RTF1: variants seen among roughly 807,000 people sequenced by gnomAD.
RTF1 encodes the protein RTF1 homolog, Paf1/RNA polymerase II complex component, also known as RNA polymerase-associated protein RTF1 homolog.
A neutral mutation model predicts 95.7 loss-of-function variants in RTF1; 10 were observed. That is an observed-to-expected ratio of 0.10 (90% CI 0.06 to 0.18). The LOEUF (loss-of-function observed/expected upper bound fraction) is 0.18. Ranked by LOEUF, RTF1 falls within the 10% of genes least tolerant of loss-of-function variation. The pLI is 1.00. For missense variants in RTF1, 458 were observed against 875.6 expected (o/e 0.52, Z 6.02); for synonymous variants, 305 against 311.8 (o/e 0.98, Z 0.23).
intron 1 of RTF1, among the ~76,000 whole-genome samples, chr15:41,421,709 CT>C (rs752702270): frequency 2.5e-3 from 318 of 127,394 alleles, no homozygotes; most frequent in Middle Eastern, 0.016. Flanking sequence ...ACTACTGGTT[CT>C]TTTTTTTTTT....
intron 1 of RTF1, among the ~76,000 whole-genome samples, chr15:41,424,876 G>A (rs1301263778): frequency 6.6e-6 from 1 of 152,028 alleles, no homozygotes; most frequent in Non-Finnish European, 1.5e-5. Context: ...AAGTGCGGTG[G>A]CACACACCTG....
intron 14 of RTF1, among the ~76,000 whole-genome samples, chr15:41,477,872 G>A (rs1224750947): frequency 1.3e-5 from 2 of 152,164 alleles, no homozygotes; most frequent in African/African-American, 4.8e-5. Flanking sequence ...TTGGGAGGCC[G>A]AGGCGGGTGG....
intron 1 of RTF1, among the ~76,000 whole-genome samples, chr15:41,436,277 C>T (rs1488650616): frequency 6.7e-6 from 1 of 148,374 alleles, no homozygotes; most frequent in Non-Finnish European, 1.5e-5. Flanking sequence ...CAGTGAAATC[C>T]CGTCTCTACT....
chr15:41,443,813 A>C (rs759029745), intron 2 of RTF1, among the ~76,000 whole-genome samples: 2 of 152,072 alleles, frequency 1.3e-5, no homozygotes, highest in Non-Finnish European at 2.9e-5. Context: ...CACGCCTGTA[A>C]TCTCAGCACT....
intron 1 of RTF1, among the ~76,000 whole-genome samples, chr15:41,417,577 G>C (rs1395998648): frequency 6.6e-6 from 1 of 152,200 alleles, no homozygotes. Flanking sequence ...TCGGGCTCGG[G>C]GGTAGCGAAA....
At chr15:41,423,436 G>A (rs147897508) in intron 1 of RTF1, among the ~76,000 whole-genome samples, 183 of 140,232 alleles carry the variant, frequency 1.3e-3, no homozygotes, top group African/African-American at 4.5e-3. Flanking sequence ...GCAATGGCAC[G>A]CTGGGCTCAC....
Position 41,475,831 on chromosome 15 carries a change from G to A in RTF1, c.1482+12G>A, listed in dbSNP as rs1247546648. 1 of 1,398,782 alleles carries A rather than the reference G, an allele frequency of 7.1e-7. No individual in the cohort carries two copies. The highest frequency in any genetic ancestry group is 1.2e-5 in the South Asian group (1 of 82,336). The allele number at this position is 1,398,782 out of a possible 1,614,324, so 86.6% of individuals were successfully genotyped here. A position where few individuals can be genotyped will look rare whatever the true frequency, so the allele number is the denominator to read the frequency against. On this transcript the variant is annotated intron_variant, in intron 11 of 17. Coordinates refer to ENST00000389629, the MANE Select transcript of RTF1 (RefSeq NM_015138.5). The stretch of plus-strand genomic sequence containing the variant: ...AGGACATTGAAGAGGTAAGAAAACT[G>A]GTGCCCCAGAACCCGGAGGTTCATC...
chr15:41,424,941 G>T (rs1295248933), intron 1 of RTF1, among the ~76,000 whole-genome samples: 1 of 145,684 alleles, frequency 6.9e-6, no homozygotes, highest in Admixed American at 6.8e-5. Context: ...CCTAGGAGGC[G>T]GAGGTTGCAG....
intron 6 of RTF1, among the ~76,000 whole-genome samples, chr15:41,469,805 G>A (rs777931990): frequency 1.6e-4 from 25 of 152,144 alleles, no homozygotes; most frequent in Non-Finnish European, 2.4e-4. Flanking sequence ...GATTACAGGC[G>A]TAAGCCACCG....
chr15:41,464,687 C>T, intron 4 of RTF1, 84 bp from the exon 5 acceptor site: 1 of 1,198,984 alleles, frequency 8.3e-7, no homozygotes, highest in Non-Finnish European at 1.2e-6. Context: ...AGCTCCTTTC[C>T]CTTAGTTCCT....
chr15:41,455,898 A>G (rs2050812279), intron 3 of RTF1, among the ~76,000 whole-genome samples: 1 of 151,828 alleles, frequency 6.6e-6, no homozygotes, highest in Non-Finnish European at 1.5e-5. Flanking sequence ...AAAATCTCAG[A>G]AATCACCACT....
At chr15:41,436,915 C>T (rs940315319) in intron 1 of RTF1, among the ~76,000 whole-genome samples, 3 of 151,458 alleles carry the variant, frequency 2.0e-5, no homozygotes, top group South Asian at 2.1e-4. Context: ...GGTGAAACCC[C>T]GTCTCTACTA....
chr15:41,450,412 C>A (rs1032162782), intron 2 of RTF1, among the ~76,000 whole-genome samples: 1 of 150,962 alleles, frequency 6.6e-6, no homozygotes, highest in African/African-American at 2.4e-5. Context: ...ATGGAGAAAC[C>A]CCGTCTCTGC....
chr15:41,480,155 C>T, intron 16 of RTF1, 59 bp from the exon 17 acceptor site: 3 of 1,090,982 alleles, frequency 2.7e-6, no homozygotes, highest in Non-Finnish European at 4.2e-6. Context: ...GTGGCTGCTG[C>T]TGCTTGAAAT....
chr15:41,444,657 T>C (rs779060078), intron 2 of RTF1, among the ~76,000 whole-genome samples: 3 of 152,208 alleles, frequency 2.0e-5, no homozygotes, highest in Non-Finnish European at 4.4e-5. Context: ...ATAACAGTTC[T>C]TGTACTGTGA....
intron 1 of RTF1, among the ~76,000 whole-genome samples, chr15:41,418,532 T>C (rs903479234): frequency 3.9e-5 from 6 of 152,136 alleles, no homozygotes; most frequent in Non-Finnish European, 2.9e-5. Flanking sequence ...TTGAAAGTAT[T>C]AGGGGCTGGG....
chr15:41,464,837 A>G lies in RTF1; in HGVS notation c.729A>G (p.Gln243=). Residue 243 remains glutamine (Q), a synonymous_variant, in exon 5 of 18, where the codon CAA becomes CAG. Transcript: ENST00000389629. ...AAAAGAAAGAAAAGAAGAAAAAGCA[A>G]GAAGAGGAGCAAGAAAAGAAAAAAC... ...KKEKKEKKKK[Q]EEEQEKKKLT... is the part of the protein sequence containing the mutation. The G allele has an allele frequency of 1.9e-6, 3 of 1,550,914 alleles. No homozygotes were observed. The highest frequency in any genetic ancestry group is 2.6e-6 in the Non-Finnish European group (3 of 1,149,810).
In RTF1 at chr15:41,417,141, G is replaced by A; in HGVS notation, c.26G>A (p.Arg9Gln). ...ATGCGCGGTCGCCTTTGTGTGGGTC[G>A]AGCAGCGGCGGCGGCGGCGGCAGTG... MRGRLCVG[R>Q]AAAAAAAVAV... is the part of the protein sequence containing the mutation. The change falls in exon 1 of 18, where the codon CGA (arginine) becomes CAA (glutamine). Residue 9 changes from arginine to glutamine, a missense_variant. Physicochemically the swap from Arg to Gln is conservative, Grantham distance 43 (BLOSUM62 1). Coordinates refer to ENST00000389629, the MANE Select transcript of RTF1 (RefSeq NM_015138.5). The A allele has an allele frequency of 8.0e-7, 1 of 1,257,098 alleles. No individual in the cohort carries two copies. 77.9% of individuals were successfully genotyped at this position (1,257,098 alleles called of 1,614,324 possible). A position where few individuals can be genotyped will look rare whatever the true frequency, so the allele number is the denominator to read the frequency against.
chr15:41,480,905 G>A lies in RTF1; in HGVS notation c.*218G>A, dbSNP rs992177827. The A allele has an allele frequency of 8.8e-6, 5 of 567,522 alleles. No homozygotes were observed. Among genetic ancestry groups the A allele is most frequent in the Admixed American group, 3.0e-5 (1 of 32,982 alleles). The allele number at this position is 567,522 out of a possible 1,614,324, so 35.2% of individuals were successfully genotyped here. On this transcript the variant is annotated 3_prime_UTR_variant, in exon 18 of 18. Coordinates refer to ENST00000389629, the MANE Select transcript of RTF1 (RefSeq NM_015138.5). ...CTCCCCTCCCCCAGGGCCCCACCCA[G>A]TGTGGGCCTGGGCTCTCTTGGGCTT...
Sources: allele counts gnomAD v4.1 joint callset (sites outside exome capture counted in the v4.1 genomes callset), GRCh38; gene constraint gnomAD v4.1.1; transcripts MANE v1.5; gene names NCBI Gene and HGNC (gene_info 2026-07-23, HGNC 2026-07-21).